Variants in MAMDC2 observed in about 807,000 individuals in gnomAD.
MAMDC2 encodes the protein MAM domain containing 2.
In MAMDC2, 57 loss-of-function variants were observed where a neutral mutation model predicts 89.8. The observed-to-expected ratio is 0.63, with a 90% CI of 0.51 to 0.79. The LOEUF (loss-of-function observed/expected upper bound fraction) is 0.79, where lower values mean the gene tolerates loss of function less well. MAMDC2 is among the 30% of genes least tolerant of loss of function. The pLI is 0.00. For synonymous variants in MAMDC2, 313 were observed against 293.4 expected, an observed-to-expected ratio of 1.07 and a Z score of -0.68; for missense variants, 800 against 820.6, an observed-to-expected ratio of 0.97 and a Z score of 0.31.
At chr9:70,156,677 T>A (rs2031776052) in intron 9 of MAMDC2, among the ~76,000 whole-genome samples, 1 of 152,232 alleles carries the variant, frequency 6.6e-6, no homozygotes, top group African/African-American at 2.4e-5. Flanking sequence ...TCAAGTGGAA[T>A]AAGTTTTCAT....
chr9:70,089,901 G>A (rs3015188), intron 2 of MAMDC2, among the ~76,000 whole-genome samples: 1 of 152,016 alleles, frequency 6.6e-6, no homozygotes, highest in Non-Finnish European at 1.5e-5. Context: ...TTGAAAATGA[G>A]CCTTTTTAAC....
intron 9 of MAMDC2, among the ~76,000 whole-genome samples, chr9:70,151,808 T>C (rs560552907): frequency 1.3e-5 from 2 of 152,288 alleles, no homozygotes; most frequent in African/African-American, 4.8e-5. Context: ...GCAGTCTAGC[T>C]TAAGGTCCCC....
At chr9:70,199,270 C>A (rs1242350679) in intron 11 of MAMDC2, among the ~76,000 whole-genome samples, 7 of 125,548 alleles carry the variant, frequency 5.6e-5, no homozygotes, top group East Asian at 5.1e-4. Flanking sequence ...CTCATTGTTC[C>A]ATTCCCACCT....
At chr9:70,098,739 G>T (rs1272844421) in intron 2 of MAMDC2, among the ~76,000 whole-genome samples, 1 of 152,208 alleles carries the variant, frequency 6.6e-6, no homozygotes, top group Non-Finnish European at 1.5e-5. Context: ...ACAGCCTGGT[G>T]CAGGGGAAAA....
chr9:70,076,290 AG>A (rs1827531934), intron 2 of MAMDC2, among the ~76,000 whole-genome samples: 1 of 152,106 alleles, frequency 6.6e-6, no homozygotes, highest in African/African-American at 2.4e-5. Context: ...GTGTGGTGGC[AG>A]GCACCTGTAG....
intron 2 of MAMDC2, chr9:70,089,045 G>A (rs1218195130): frequency 6.6e-6 from 1 of 152,122 alleles, no homozygotes; most frequent in Non-Finnish European, 1.5e-5. Flanking sequence ...TTTTACGCCT[G>A]AGAAACTAAG....
chr9:70,212,529 G>T (rs144151717), intron 11 of MAMDC2, among the ~76,000 whole-genome samples: 2 of 152,146 alleles, frequency 1.3e-5, no homozygotes, highest in Non-Finnish European at 2.9e-5. Context: ...CCCTTGTCAC[G>T]GCTTCCCTTG....
At chr9:70,096,854 G>A (rs1030053430) in intron 2 of MAMDC2, among the ~76,000 whole-genome samples, 1 of 152,104 alleles carries the variant, frequency 6.6e-6, no homozygotes, top group Admixed American at 6.5e-5. Context: ...GGAATCCAGA[G>A]GAAAAGAACA....
intron 11 of MAMDC2, among the ~76,000 whole-genome samples, chr9:70,213,126 G>C (rs2033387592): frequency 6.6e-6 from 1 of 152,206 alleles, no homozygotes; most frequent in African/African-American, 2.4e-5. Context: ...GTCAAGACTT[G>C]TACTGTTACC....
intron 11 of MAMDC2, among the ~76,000 whole-genome samples, chr9:70,179,885 T>TTTTTA (rs3071624): frequency 6.7e-6 from 1 of 150,002 alleles, no homozygotes; most frequent in African/African-American, 2.4e-5. Context: ...TTTTTTTTTT[T>TTTTTA]ACATTAATTT....
At chr9:70,045,294 G>A (rs1826721873) in intron 2 of MAMDC2, among the ~76,000 whole-genome samples, 1 of 152,178 alleles carries the variant, frequency 6.6e-6, no homozygotes, top group South Asian at 2.1e-4. Flanking sequence ...CTCACTGGTG[G>A]TCATTGTCTT....
chr9:70,204,233 C>T (rs1185799619), intron 11 of MAMDC2, among the ~76,000 whole-genome samples: 1,884 of 147,332 alleles, frequency 0.013, 32 homozygotes, highest in African/African-American at 0.043. Flanking sequence ...GATGGGTTTT[C>T]GGTGTGGATG....
At chr9:70,218,905 C>T (rs12686584) in intron 12 of MAMDC2, among the ~76,000 whole-genome samples, 10,502 of 152,214 alleles carry the variant, frequency 0.069, 578 homozygotes, top group East Asian at 0.22. Context: ...ATCTCCAAAA[C>T]GAAGTCTTTT....
At position 70,108,223 on chromosome 9, in the gene MAMDC2, A is replaced by T; in HGVS notation, c.161A>T (p.Tyr54Phe). The change falls in exon 3 of 14, where the codon TAT becomes TTT. Residue 54 changes from tyrosine (Y) to phenylalanine (F), a missense_variant. Tyr to Phe is a conservative substitution (Grantham distance 22). Transcript: ENST00000377182. The part of the protein sequence containing the change: ...WILNEEGHYI[Y>F]VDTSFGKQGE... ...TTTCTCTTTCCAGGCCATTACATTT[A>T]TGTGGATACCTCCTTTGGCAAGCAG... The T allele has an allele frequency of 6.3e-7, 1 of 1,596,460 alleles. No homozygotes were observed.
rs2031161886 is a variant in MAMDC2 at position 70,140,190 on chromosome 9, A to G, written c.1040A>G (p.Asp347Gly). 1 of 1,596,280 alleles carries G rather than the reference A, an allele frequency of 6.3e-7. No homozygotes were observed. The highest frequency in any genetic ancestry group is 1.8e-5 in the Admixed American group (1 of 54,512). Reference protein sequence around the residue: ...AVEASCNFEQDLCNFYQDKEG... With the variant: ...AVEASCNFEQGLCNFYQDKEG... Reference sequence around the variant, plus strand: ...GAAGCCAGCTGCAATTTTGAGCAAGATCTCTGCAACTTTTACCAAGATAAA... The same window carrying G: ...GAAGCCAGCTGCAATTTTGAGCAAGGTCTCTGCAACTTTTACCAAGATAAA... Residue 347 changes from aspartate (D) to glycine (G), a missense_variant, in exon 8 of 14, where the codon GAT becomes GGT. Physicochemically the swap from Asp to Gly is moderately conservative, Grantham distance 94. Transcript: ENST00000377182.
intron 9 of MAMDC2, among the ~76,000 whole-genome samples, chr9:70,146,453 C>G (rs766451649): frequency 1.5e-4 from 23 of 152,164 alleles, no homozygotes; most frequent in Non-Finnish European, 2.8e-4. Flanking sequence ...ATAGAAATAG[C>G]TTCTCAGAGA....
At chr9:70,108,573 G>C in intron 3 of MAMDC2, 91 bp downstream of exon 3, 3 of 1,119,142 alleles carry the variant, frequency 2.7e-6, no homozygotes, top group Non-Finnish European at 3.7e-6. Flanking sequence ...ATGGAGGTTA[G>C]TTATCTCCTG....
At chr9:70,141,830 G>A (rs1176664454) in intron 8 of MAMDC2, among the ~76,000 whole-genome samples, 1 of 152,126 alleles carries the variant, frequency 6.6e-6, no homozygotes, top group Non-Finnish European at 1.5e-5. Flanking sequence ...GGAAACAATG[G>A]AAGATGAGGG....
In MAMDC2 at chr9:70,158,363, G is replaced by GT. The variant is rs529792823; in HGVS notation, c.1405-10336dup. On this transcript the variant is annotated intron_variant, in intron 9 of 13. Coordinates refer to ENST00000377182, the MANE Select transcript of MAMDC2 (RefSeq NM_153267.5). ...AATTGCTGTATTTATACTGTACACT[G>GT]TTTGTATTGTTCAATTTATGAATTA... Among the ~76,000 whole-genome samples, 615 of 152,014 alleles carry GT rather than the reference G, an allele frequency of 4.0e-3. 7 individuals are homozygous for GT. The highest frequency in any genetic ancestry group is 0.014 in the African/African-American group (582 of 41,472).
Sources: gnomAD v4.1 joint callset for allele counts (sites outside exome capture counted in the v4.1 genomes callset) on GRCh38, gnomAD v4.1.1 for gene constraint, MANE v1.5 for transcripts, NCBI Gene and HGNC (gene_info 2026-07-23, HGNC 2026-07-21) for gene names.